PRKD3: variants seen among roughly 807,000 people sequenced by gnomAD.
PRKD3 encodes protein kinase D3.
A neutral mutation model predicts 99.2 loss-of-function variants in PRKD3; 47 were observed. The observed-to-expected ratio is 0.47, with a 90% CI of 0.38 to 0.60. PRKD3 has a LOEUF of 0.60. Among genes scored for constraint, PRKD3 ranks in the 20% least tolerant of loss-of-function variants. PRKD3 has a pLI of 0.00. For missense variants in PRKD3, 1,019 were observed against 1,088.4 expected (o/e 0.94, Z 0.90); for synonymous variants, 392 against 355.4 (o/e 1.10, Z -1.16).
intron 2 of PRKD3, among the ~76,000 whole-genome samples, chr2:37,311,993 G>C (rs767999980): frequency 6.6e-6 from 1 of 152,178 alleles, no homozygotes; most frequent in Non-Finnish European, 1.5e-5. Context: ...TACATGCATC[G>C]AGTTTGTAAA....
intron 2 of PRKD3, among the ~76,000 whole-genome samples, chr2:37,302,070 A>G (rs112085733): frequency 0.045 from 6,817 of 152,324 alleles, 170 homozygotes; most frequent in African/African-American, 0.052. Flanking sequence ...TAAAGAGGCT[A>G]GGAAATGTGG....
chr2:37,270,765 T>C (rs768987996), intron 12 of PRKD3, among the ~76,000 whole-genome samples: 12 of 152,262 alleles, frequency 7.9e-5, no homozygotes, highest in Admixed American at 2.0e-4. Flanking sequence ...TTAATCTTTT[T>C]GTTTAACCAA....
At chr2:37,318,234 T>TA (rs893528760) in intron 1 of PRKD3, among the ~76,000 whole-genome samples, 6 of 151,920 alleles carry the variant, frequency 3.9e-5, no homozygotes, top group African/African-American at 1.5e-4. Context: ...ACTGAGACTT[T>TA]AAAAAAAACT....
At chr2:37,306,905 T>G (rs1671194407) in intron 2 of PRKD3, among the ~76,000 whole-genome samples, 2 of 152,222 alleles carry the variant, frequency 1.3e-5, no homozygotes. Flanking sequence ...TAGGAGACAG[T>G]CATATTCCCT....
chr2:37,253,546 T>A, intron 18 of PRKD3, 196 bp from the exon 19 acceptor site: 1 of 486,000 alleles, frequency 2.1e-6, no homozygotes, highest in Non-Finnish European at 3.5e-6. Context: ...TTTTTCAAAC[T>A]CAGAGTCTCC....
At chr2:37,254,071 G>T in intron 18 of PRKD3, 133 bp downstream of exon 18, 1 of 660,812 alleles carries the variant, frequency 1.5e-6, no homozygotes, top group Non-Finnish European at 2.7e-6. Flanking sequence ...CAGAGATTCA[G>T]CCATAGTACA....
intron 2 of PRKD3, among the ~76,000 whole-genome samples, chr2:37,297,259 G>A (rs1369819189): frequency 2.6e-5 from 4 of 151,998 alleles, no homozygotes; most frequent in South Asian, 2.1e-4. Context: ...AGGAATAGGC[G>A]GCGAACACCT....
At chr2:37,319,057 T>TA (rs1233067532) in intron 1 of PRKD3, among the ~76,000 whole-genome samples, 1 of 152,222 alleles carries the variant, frequency 6.6e-6, no homozygotes, top group Non-Finnish European at 1.5e-5. Context: ...ATTAAGCTCT[T>TA]ACTATCTGTC....
intron 2 of PRKD3, among the ~76,000 whole-genome samples, chr2:37,315,121 GAA>G (rs1425124453): frequency 2.0e-5 from 3 of 152,132 alleles, no homozygotes; most frequent in East Asian, 3.9e-4. Context: ...TTTGCAAATA[GAA>G]AGTTTACAAT....
intron 2 of PRKD3, among the ~76,000 whole-genome samples, chr2:37,302,997 C>T (rs967459002): frequency 6.6e-6 from 1 of 152,146 alleles, no homozygotes; most frequent in Non-Finnish European, 1.5e-5. Flanking sequence ...TCGAATGTTG[C>T]CTTTTCCAAA....
At chr2:37,277,234 T>C (rs1033232080) in intron 9 of PRKD3, among the ~76,000 whole-genome samples, 3 of 152,294 alleles carry the variant, frequency 2.0e-5, no homozygotes, top group African/African-American at 7.2e-5. Flanking sequence ...ATTAACTGAT[T>C]TGGATTTATT....
chr2:37,301,740 T>C (rs1399226777), intron 2 of PRKD3, among the ~76,000 whole-genome samples: 2 of 152,238 alleles, frequency 1.3e-5, no homozygotes, highest in African/African-American at 2.4e-5. Context: ...CTTCTAAACA[T>C]TCTATTCTCC....
intron 12 of PRKD3, among the ~76,000 whole-genome samples, chr2:37,270,623 C>T (rs56966464): frequency 0.015 from 2,215 of 152,286 alleles, 41 homozygotes; most frequent in African/African-American, 0.043. Context: ...TGGAACTTCA[C>T]TTAGCAGACC....
In PRKD3 at chr2:37,298,411, AT is replaced by A. The variant is rs34916722; in HGVS notation, c.289-5141del. On this transcript the variant is annotated intron_variant, in intron 2 of 18. Coordinates refer to ENST00000234179, the MANE Select transcript of PRKD3 (RefSeq NM_005813.6). ...TAGAGATCATTCCATTAACAAAGTTATTTTTTTTTTTAAAAACAGATGTATA... is the reference window on the plus strand; with the variant it reads ...TAGAGATCATTCCATTAACAAAGTTATTTTTTTTTTAAAAACAGATGTATA... 5.9e-3 allele frequency among the ~76,000 whole-genome samples: 886 copies of A among 150,266 alleles called. 10 individuals are homozygous for A. Among genetic ancestry groups the A allele is most frequent in the African/African-American group, 0.018 (729 of 41,174 alleles).
intron 2 of PRKD3, among the ~76,000 whole-genome samples, chr2:37,299,474 G>C (rs764290031): frequency 6.7e-6 from 1 of 149,702 alleles, no homozygotes; most frequent in Non-Finnish European, 1.5e-5. Flanking sequence ...TTCGAGACTA[G>C]CCTGGTCAAC....
chr2:37,294,578 G>A (rs1232190002), intron 2 of PRKD3, among the ~76,000 whole-genome samples: 2 of 151,920 alleles, frequency 1.3e-5, no homozygotes, highest in African/African-American at 4.8e-5. Context: ...CTCATAGTAT[G>A]TTTAACATAT....
In PRKD3 at chr2:37,316,355, A is replaced by G; in HGVS notation, c.170T>C (p.Val57Ala). The G allele has an allele frequency of 6.2e-7, 1 of 1,614,192 alleles. No individual in the cohort carries two copies. Among genetic ancestry groups the G allele is most frequent in the Non-Finnish European group, 8.5e-7 (1 of 1,180,022 alleles). The change falls in exon 2 of 19, where the codon GTG becomes GCG. Residue 57 changes from valine to alanine, a missense_variant. Val to Ala is a moderately conservative substitution (Grantham distance 64, BLOSUM62 0). Around this residue, in one of 3 missense-constraint regions of PRKD3, gnomAD observed 710 missense variants for 692.7 expected, o/e 1.02. Transcript: ENST00000234179. ...TTGCAGTAGAAATGAAACTGTATGC[A>G]CTGAGCCTCTGGAGTTGGTGAGTGA... ...APSLTNSRGS[V>A]HTVSFLLQIG...
intron 2 of PRKD3, 36 bp from the exon 3 acceptor site, chr2:37,293,307 G>C (rs1434138756): frequency 6.7e-7 from 1 of 1,482,434 alleles, no homozygotes; most frequent in Non-Finnish European, 9.1e-7. Flanking sequence ...TATGACCACA[G>C]TTTTCTATTT....
At chr2:37,319,019 T>A (rs1259209570) in intron 1 of PRKD3, among the ~76,000 whole-genome samples, 1 of 152,146 alleles carries the variant, frequency 6.6e-6, no homozygotes, top group Non-Finnish European at 1.5e-5. Context: ...GCTTCTTAGC[T>A]GGAAAAAAAT....
Sources: allele counts gnomAD v4.1 joint callset (sites outside exome capture counted in the v4.1 genomes callset), GRCh38; gene constraint gnomAD v4.1.1; regional missense constraint gnomAD v4.1.1; transcripts MANE v1.5; gene names NCBI Gene and HGNC (gene_info 2026-07-23, HGNC 2026-07-21).